The following AQP11 variants were observed in gnomAD, a reference collection of about 807,000 sequenced individuals.
The protein encoded by AQP11 is aquaporin 11.
In AQP11, 20 loss-of-function variants were observed where a neutral mutation model predicts 21.1. The ratio of observed to expected loss-of-function variants is 0.95; its 90% CI spans 0.67 to 1.38. The LOEUF (loss-of-function observed/expected upper bound fraction) is 1.38. AQP11 is among the 40% of genes most tolerant of loss of function. The pLI is 0.00. For synonymous variants in AQP11, 167 were observed against 150.1 expected (o/e 1.11, Z -0.82); for missense variants, 339 against 340.4 (o/e 1.00, Z 0.03).
chr11:77,605,763 A>G (rs1958842202), intron 2 of AQP11, among the ~76,000 whole-genome samples: 1 of 152,136 alleles, frequency 6.6e-6, no homozygotes, highest in African/African-American at 2.4e-5. Flanking sequence ...AGAACATTAA[A>G]AAGTAGCCAG....
intron 1 of AQP11, among the ~76,000 whole-genome samples, chr11:77,600,842 C>T: frequency 6.6e-6 from 1 of 152,030 alleles, no homozygotes; most frequent in African/African-American, 2.4e-5. Flanking sequence ...GAAACCCCGT[C>T]TCTACTAAAA....
At chr11:77,590,684 A>C in intron 1 of AQP11, 73 bp downstream of exon 1, 2 of 1,525,572 alleles carry the variant, frequency 1.3e-6, no homozygotes, top group Non-Finnish European at 1.8e-6. Flanking sequence ...CTTTACTAAA[A>C]TACATTTGAA....
chr11:77,599,536 G>A (rs915013285), intron 1 of AQP11, among the ~76,000 whole-genome samples: 12 of 142,456 alleles, frequency 8.4e-5, no homozygotes, highest in African/African-American at 2.4e-4. Flanking sequence ...CACCAGCCTC[G>A]GCCTCCCAAA....
intron 2 of AQP11, among the ~76,000 whole-genome samples, chr11:77,605,483 A>G (rs1958840633): frequency 6.6e-6 from 1 of 152,126 alleles, no homozygotes; most frequent in Non-Finnish European, 1.5e-5. Context: ...AGTGGCAATC[A>G]AGCTTACAAA....
Position 77,609,266 on chromosome 11 carries a change from G to A in AQP11, c.737-32G>A, listed in dbSNP as rs756815775. ...GTGATTATGAACCTCCTTAAAGATT[G>A]TTTTTTTATTTTACTGTATTTTGTC... On this transcript the variant is annotated intron_variant, in intron 2 of 2. Transcript: ENST00000313578. 4.5e-6 allele frequency: 7 copies of A among 1,558,610 alleles called. No individual in the cohort carries two copies. The Middle Eastern group carries it at 1.1e-3, about 251-fold the overall frequency.
In AQP11 at chr11:77,596,537, A is replaced by T. The variant is rs796615776; in HGVS notation, c.619+5926A>T. ...AAATATATATGTAAATATATATGTA[A>T]ATATATATATATATATATATATATA... On this transcript the variant is annotated intron_variant, in intron 1 of 2. Transcript: ENST00000313578. 3.6e-3 allele frequency among the ~76,000 whole-genome samples: 311 copies of T among 86,554 alleles called. 7 individuals carry two copies. Among genetic ancestry groups the T allele is most frequent in the African/African-American group, 0.012 (279 of 22,376 alleles). 56.8% of individuals were successfully genotyped at this position (86,554 alleles called of 152,430 possible). A position where few individuals can be genotyped will look rare whatever the true frequency, so the allele number is the denominator to read the frequency against.
At chr11:77,596,997 A>G (rs1172293952) in intron 1 of AQP11, among the ~76,000 whole-genome samples, 3 of 152,160 alleles carry the variant, frequency 2.0e-5, no homozygotes, top group Admixed American at 6.5e-5. Flanking sequence ...TACCTGCCAT[A>G]CACGAAGTAC....
At chr11:77,606,514 C>A (rs960163789) in intron 2 of AQP11, among the ~76,000 whole-genome samples, 1 of 152,100 alleles carries the variant, frequency 6.6e-6, no homozygotes, top group African/African-American at 2.4e-5. Flanking sequence ...AACATTCCCC[C>A]TAACCCCGCC....
intron 1 of AQP11, 63 bp downstream of exon 1, chr11:77,590,674 C>A (rs1958742512): frequency 6.5e-7 from 1 of 1,535,662 alleles, no homozygotes; most frequent in Non-Finnish European, 8.7e-7. Context: ...GCTGTAAGTT[C>A]TTTACTAAAA....
At chr11:77,600,005 G>T (rs956701087) in intron 1 of AQP11, among the ~76,000 whole-genome samples, 2 of 152,202 alleles carry the variant, frequency 1.3e-5, no homozygotes, top group African/African-American at 4.8e-5. Context: ...TGTTGCCCAG[G>T]CTGGAGTACA....
chr11:77,604,414 A>C (rs964946575), intron 2 of AQP11, among the ~76,000 whole-genome samples: 12 of 152,234 alleles, frequency 7.9e-5, no homozygotes, highest in Admixed American at 5.2e-4. Flanking sequence ...TACAATATAC[A>C]AAAAATTATT....
intron 1 of AQP11, among the ~76,000 whole-genome samples, chr11:77,601,578 G>A (rs532795963): frequency 6.6e-6 from 1 of 152,216 alleles, no homozygotes; most frequent in East Asian, 1.9e-4. Context: ...ACAAACTCCT[G>A]GGCTCAAGTG....
intron 2 of AQP11, among the ~76,000 whole-genome samples, chr11:77,606,572 T>C (rs1044183808): frequency 2.0e-5 from 3 of 152,144 alleles, no homozygotes; most frequent in African/African-American, 7.2e-5. Context: ...TCAAACTTTT[T>C]TTGGTCTGGC....
At chr11:77,601,344 C>CTTTT (rs36104720) in intron 1 of AQP11, among the ~76,000 whole-genome samples, 9 of 129,396 alleles carry the variant, frequency 7.0e-5, no homozygotes, top group Admixed American at 8.1e-5. Flanking sequence ...CCATTCAAAA[C>CTTTT]TTTTTTTTTT....
chr11:77,598,412 C>T (rs1958795794), intron 1 of AQP11, among the ~76,000 whole-genome samples: 1 of 152,188 alleles, frequency 6.6e-6, no homozygotes, highest in Admixed American at 6.5e-5. Flanking sequence ...CCGGTTATAC[C>T]TCTTCTTCAA....
chr11:77,599,193 T>A (rs1028139091), intron 1 of AQP11, among the ~76,000 whole-genome samples: 8 of 149,130 alleles, frequency 5.4e-5, no homozygotes, highest in African/African-American at 2.0e-4. Flanking sequence ...ACCTGGCTAA[T>A]TTTTTTTTTC....
At chr11:77,591,578 G>A (rs556738804) in intron 1 of AQP11, among the ~76,000 whole-genome samples, 2 of 152,294 alleles carry the variant, frequency 1.3e-5, no homozygotes, top group African/African-American at 4.8e-5. Flanking sequence ...GGGTAAAAAT[G>A]AAAGCCTTCA....
At chr11:77,602,344 C>G (rs1262692722) in intron 1 of AQP11, among the ~76,000 whole-genome samples, 1 of 152,092 alleles carries the variant, frequency 6.6e-6, no homozygotes, top group Non-Finnish European at 1.5e-5. Flanking sequence ...CTGTGTGAGT[C>G]TTTATCTTTC....
chr11:77,592,600 C>T (rs1211258281), intron 1 of AQP11, among the ~76,000 whole-genome samples: 1 of 152,106 alleles, frequency 6.6e-6, no homozygotes, highest in Non-Finnish European at 1.5e-5. Context: ...ATTTATGATT[C>T]CATAGATAAT....
Sources: allele counts gnomAD v4.1 joint callset (sites outside exome capture counted in the v4.1 genomes callset), GRCh38; gene constraint gnomAD v4.1.1; transcripts MANE v1.5; gene names NCBI Gene and HGNC (gene_info 2026-07-23, HGNC 2026-07-21).